Variants in SYNRG observed in about 807,000 individuals in gnomAD.
SYNRG encodes the protein synergin gamma, also known as AP1 gamma subunit binding protein 1.
SYNRG carries 37 observed loss-of-function variants against 130.9 expected under a neutral mutation model. The ratio of observed to expected loss-of-function variants is 0.28; its 90% CI spans 0.22 to 0.37. SYNRG has a LOEUF of 0.37. SYNRG is among the 10% of genes least tolerant of loss of function. The pLI is 1.00. For synonymous variants in SYNRG, 539 were observed against 568.1 expected (o/e 0.95, Z 0.73); for missense variants, 1,338 against 1,588.9 (o/e 0.84, Z 2.68).
At chr17:37,545,769 T>C (rs929471578) in intron 14 of SYNRG, among the ~76,000 whole-genome samples, 30 of 152,322 alleles carry the variant, frequency 2.0e-4, no homozygotes, top group African/African-American at 7.2e-4. Flanking sequence ...AGAGCAAATA[T>C]ACAAGAGTCA....
intron 8 of SYNRG, among the ~76,000 whole-genome samples, chr17:37,574,644 T>G (rs2060669543): frequency 6.6e-6 from 1 of 152,102 alleles, no homozygotes; most frequent in Non-Finnish European, 1.5e-5. Context: ...AACAAGTTTA[T>G]GAAAAGAGGC....
intron 3 of SYNRG, among the ~76,000 whole-genome samples, chr17:37,589,722 C>G (rs1412168764): frequency 6.6e-6 from 1 of 151,464 alleles, no homozygotes; most frequent in African/African-American, 2.4e-5. Context: ...ACACTCCAGC[C>G]TGGGCGACAG....
chr17:37,597,672 T>C (rs1235557641), intron 2 of SYNRG, among the ~76,000 whole-genome samples: 1 of 152,236 alleles, frequency 6.6e-6, no homozygotes, highest in Non-Finnish European at 1.5e-5. Flanking sequence ...TGATTTAGGC[T>C]AGTGTTTCCC....
At chr17:37,544,502 A>C (rs1598234236) in intron 14 of SYNRG, among the ~76,000 whole-genome samples, 1 of 152,046 alleles carries the variant, frequency 6.6e-6, no homozygotes, top group Admixed American at 6.6e-5. Context: ...TTGAGTAGAG[A>C]CGGGGTTTCA....
intron 13 of SYNRG, 37 bp downstream of exon 13, chr17:37,561,158 G>A (rs763018130): frequency 3.9e-6 from 6 of 1,557,600 alleles, no homozygotes; most frequent in East Asian, 4.5e-5. Flanking sequence ...TATTAAAAAT[G>A]GAAATAATTT....
intron 7 of SYNRG, among the ~76,000 whole-genome samples, chr17:37,576,881 C>G (rs1448057911): frequency 2.6e-5 from 4 of 152,092 alleles, no homozygotes; most frequent in African/African-American, 9.7e-5. Flanking sequence ...GCTTTCTGTC[C>G]AATAAAATAT....
intron 18 of SYNRG, among the ~76,000 whole-genome samples, chr17:37,538,113 T>C (rs2057385603): frequency 6.6e-6 from 1 of 152,240 alleles, no homozygotes; most frequent in Non-Finnish European, 1.5e-5. Context: ...CTATTACGTA[T>C]ATAACAAGGA....
chr17:37,568,008 A>T (rs1330108846), intron 11 of SYNRG: 1 of 152,246 alleles, frequency 6.6e-6, no homozygotes, highest in African/African-American at 2.4e-5. Flanking sequence ...GTTTGAGACC[A>T]GCCTGGCCAA....
At chr17:37,598,736 C>T (rs1040842911) in intron 2 of SYNRG, among the ~76,000 whole-genome samples, 2 of 152,160 alleles carry the variant, frequency 1.3e-5, no homozygotes, top group Non-Finnish European at 2.9e-5. Context: ...AAACCAATTC[C>T]AAATTCCCTA....
chr17:37,535,959 G>C lies in SYNRG; in HGVS notation c.3666+20C>G. The C allele has an allele frequency of 1.2e-6, 2 of 1,612,992 alleles. No individual in the cohort carries two copies. The highest frequency in any genetic ancestry group is 1.7e-6 in the Non-Finnish European group (2 of 1,179,998). ...GTTTCTGGAAAGGAAAGCAACTGCT[G>C]AGTTGTCTCATGGGCTTACTGTGAG... On this transcript the variant is annotated intron_variant, in intron 19 of 21. Transcript: ENST00000612223.
chr17:37,529,873 G>T, intron 19 of SYNRG: 1 of 1,550,280 alleles, frequency 6.5e-7, no homozygotes. Context: ...GAGATGGGTG[G>T]CTGATTTGGG....
Position 37,527,527 on chromosome 17 carries a change from T to C in SYNRG, c.3667-6879A>G, listed in dbSNP as rs1417703693. Among the ~76,000 whole-genome samples, 25 of 152,154 alleles carry C rather than the reference T, an allele frequency of 1.6e-4. 1 individual carries two copies. Among genetic ancestry groups the C allele is most frequent in the Admixed American group, 1.6e-3 (25 of 15,266 alleles). ...CTTTGCCAGTACAGTCAGCCCTCGG[T>C]ATCCATGGGTTCCACATCTGTGGGT... On this transcript the variant is annotated intron_variant, in intron 19 of 21. Coordinates refer to ENST00000612223, the MANE Select transcript of SYNRG (RefSeq NM_007247.6).
At chr17:37,531,070 G>A (rs1568281367) in intron 19 of SYNRG, among the ~76,000 whole-genome samples, 1 of 152,056 alleles carries the variant, frequency 6.6e-6, no homozygotes, top group Non-Finnish European at 1.5e-5. Flanking sequence ...GCAACATAGT[G>A]AGGCCCTATT....
intron 3 of SYNRG, among the ~76,000 whole-genome samples, chr17:37,588,450 A>T (rs2061874839): frequency 6.6e-6 from 1 of 151,910 alleles, no homozygotes; most frequent in African/African-American, 2.4e-5. Flanking sequence ...TTCAGTAGAG[A>T]TGGGGTTTCA....
intron 13 of SYNRG, among the ~76,000 whole-genome samples, chr17:37,554,871 T>C (rs1287671017): frequency 6.6e-6 from 1 of 152,084 alleles, no homozygotes; most frequent in African/African-American, 2.4e-5. Flanking sequence ...TTATATAAAG[T>C]TTTAGAGGGT....
rs753622748 is a variant in SYNRG, at chr17:37,519,025, T to C, written c.3860A>G (p.His1287Arg). 3 of 1,614,116 alleles carry C rather than the reference T, an allele frequency of 1.9e-6. No individual in the cohort carries two copies. Among genetic ancestry groups the C allele is most frequent in the Non-Finnish European group, 1.7e-6 (2 of 1,180,036 alleles). ...GTTGGCACAGCTGGCGTGATACTGG[T>C]GCCCTCCATAGGCCAGCTTGAAACT... ...TDSFKLAYGG[H>R]QYHASCANFW... The change falls in exon 22 of 22, where the codon CAC becomes CGC. Residue 1287 changes from histidine (H) to arginine (R), a missense_variant. Physicochemically the swap from His to Arg is conservative, Grantham distance 29. Around this residue, in one of 3 missense-constraint regions of SYNRG, gnomAD observed 1,146 missense variants for 1,342.3 expected, o/e 0.85. Coordinates refer to ENST00000612223, the MANE Select transcript of SYNRG (RefSeq NM_007247.6).
In SYNRG at chr17:37,518,791, T is replaced by A. The variant is rs1454990020; in HGVS notation, c.*149A>T. 1 of 1,026,078 alleles carries A rather than the reference T, an allele frequency of 9.7e-7. No homozygotes were observed. The highest frequency in any genetic ancestry group is 2.5e-5 in the East Asian group (1 of 39,816). The allele number at this position is 1,026,078 out of a possible 1,614,324, so 63.6% of individuals were successfully genotyped here. ...TACCTGAAGTCCTGCAGACTGGCCG[T>A]GGGGATGACGGGGGCCCCGTCCCTT... On this transcript the variant is annotated 3_prime_UTR_variant, in exon 22 of 22. Transcript: ENST00000612223.
Position 37,550,916 on chromosome 17 carries a change from A to G in SYNRG, c.2608+2199T>C, listed in dbSNP as rs895484766. Among the ~76,000 whole-genome samples the G allele has an allele frequency of 2.8e-4, 42 of 152,224 alleles. 1 individual carries two copies. The highest frequency in any genetic ancestry group is 2.4e-4 in the African/African-American group (10 of 41,458). ...GATTAAATTTAGTCAGGGGGAAAAAACAGCCTAGTTGAAATTATATGCAGC... is the reference window on the plus strand; with the variant it reads ...GATTAAATTTAGTCAGGGGGAAAAAGCAGCCTAGTTGAAATTATATGCAGC... On this transcript the variant is annotated intron_variant, in intron 14 of 21. Transcript: ENST00000612223.
At chr17:37,600,240 G>A in intron 2 of SYNRG, 123 bp downstream of exon 2, 3 of 787,630 alleles carry the variant, frequency 3.8e-6, no homozygotes, top group Non-Finnish European at 5.9e-6. Flanking sequence ...ACAGGTTTAA[G>A]AGTGCAGAAA....
Sources: gnomAD v4.1 joint callset for allele counts (sites outside exome capture counted in the v4.1 genomes callset) on GRCh38, gnomAD v4.1.1 for gene constraint, gnomAD v4.1.1 regional missense constraint, MANE v1.5 for transcripts, NCBI Gene and HGNC (gene_info 2026-07-23, HGNC 2026-07-21) for gene names.